HPGDS: variants seen among roughly 807,000 people sequenced by gnomAD.
HPGDS encodes the protein GST class-sigma.
HPGDS carries 26 observed loss-of-function variants against 23.1 expected under a neutral mutation model. The ratio of observed to expected loss-of-function variants is 1.13; its 90% CI spans 0.83 to 1.56. The LOEUF (loss-of-function observed/expected upper bound fraction) is 1.56, where lower values mean the gene tolerates loss of function less well. Ranked by LOEUF, HPGDS falls within the 40% of genes most tolerant of loss-of-function variation. The pLI, the probability that HPGDS is intolerant of heterozygous loss-of-function variation, is 0.00. For synonymous variants in HPGDS, 95 were observed against 77.9 expected, an observed-to-expected ratio of 1.22 and a Z score of -1.16; for missense variants, 268 against 236.4, an observed-to-expected ratio of 1.13 and a Z score of -0.88.
intron 5 of HPGDS, among the ~76,000 whole-genome samples, chr4:94,301,389 G>T (rs181563641): frequency 6.6e-6 from 1 of 152,186 alleles, no homozygotes; most frequent in Admixed American, 6.5e-5. Context: ...TAATTTTTCT[G>T]GGGTTGGAAA....
intron 4 of HPGDS, among the ~76,000 whole-genome samples, chr4:94,307,424 A>G (rs925022717): frequency 1.3e-5 from 2 of 152,172 alleles, no homozygotes; most frequent in African/African-American, 4.8e-5. Context: ...AGACATATCC[A>G]TGCCATCTGT....
chr4:94,339,286 A>G (rs1721087536), intron 1 of HPGDS, among the ~76,000 whole-genome samples: 1 of 152,220 alleles, frequency 6.6e-6, no homozygotes, highest in South Asian at 2.1e-4. Flanking sequence ...AATCTCATGT[A>G]GAGAAAACTG....
chr4:94,308,486 G>C (rs1008904569), intron 4 of HPGDS, 148 bp downstream of exon 4: 16 of 491,856 alleles, frequency 3.3e-5, no homozygotes, highest in Non-Finnish European at 4.3e-5. Context: ...GGGAATTGCT[G>C]TACTTTATTT....
At chr4:94,327,607 T>C (rs903722181) in intron 2 of HPGDS, among the ~76,000 whole-genome samples, 5 of 152,150 alleles carry the variant, frequency 3.3e-5, no homozygotes, top group Non-Finnish European at 7.4e-5. Flanking sequence ...ATTGTGGCCC[T>C]GATACTAGAG....
chr4:94,336,385 G>A (rs775925221), intron 1 of HPGDS, among the ~76,000 whole-genome samples: 19 of 152,072 alleles, frequency 1.2e-4, no homozygotes, highest in Admixed American at 7.9e-4. Context: ...AGGAAGTGAC[G>A]GTGATGGTAA....
Position 94,299,411 on chromosome 4 carries a change from G to T in HPGDS, c.*69C>A. Reference sequence around the variant, plus strand: ...GAGCATGTGGATTATCTGGCAGGCTGATGTAGCTGTCTTATCTGATGAGAG... The same window carrying T: ...GAGCATGTGGATTATCTGGCAGGCTTATGTAGCTGTCTTATCTGATGAGAG... On this transcript the variant is annotated 3_prime_UTR_variant, in exon 6 of 6. Coordinates refer to ENST00000295256, the MANE Select transcript of HPGDS (RefSeq NM_014485.3). The T allele has an allele frequency of 7.4e-7, 1 of 1,351,696 alleles. No homozygotes were observed. The highest frequency in any genetic ancestry group is 1.0e-6 in the Non-Finnish European group (1 of 998,520). 83.7% of individuals were successfully genotyped at this position (1,351,696 alleles called of 1,614,324 possible). A position where few individuals can be genotyped will look rare whatever the true frequency, so the allele number is the denominator to read the frequency against.
At chr4:94,327,918 ACTGGG>A (rs1196736242) in intron 2 of HPGDS, among the ~76,000 whole-genome samples, 1 of 152,090 alleles carries the variant, frequency 6.6e-6, no homozygotes, top group Non-Finnish European at 1.5e-5. Context: ...TCTGGTGGGG[ACTGGG>A]CTCTCCAAGT....
In HPGDS at chr4:94,318,532, G is replaced by T. The variant is rs575618979; in HGVS notation, c.134-567C>A. On this transcript the variant is annotated intron_variant, in intron 2 of 5. Coordinates refer to ENST00000295256, the MANE Select transcript of HPGDS (RefSeq NM_014485.3). ...TGTTTAATTTCCATATATTTGTATA[G>T]TTTCCAAAGGTCTTTTTATATTGAT... Among the ~76,000 whole-genome samples the T allele has an allele frequency of 6.6e-5, 10 of 152,134 alleles. No homozygotes were observed. The South Asian group carries it at 2.1e-3, about 32-fold the overall frequency.
chr4:94,302,375 T>A (rs1756059822), intron 4 of HPGDS, 131 bp from the exon 5 acceptor site: 6 of 619,326 alleles, frequency 9.7e-6, no homozygotes, highest in Non-Finnish European at 1.7e-5. Context: ...CTAGATTTTT[T>A]ATTCAAATTT....
At chr4:94,310,120 A>G (rs1399434535) in intron 3 of HPGDS, among the ~76,000 whole-genome samples, 2 of 152,066 alleles carry the variant, frequency 1.3e-5, no homozygotes, top group Non-Finnish European at 2.9e-5. Flanking sequence ...GCTGTGCAGA[A>G]GCTCTTTAGT....
intron 2 of HPGDS, among the ~76,000 whole-genome samples, chr4:94,320,715 C>T (rs1385322177): frequency 6.6e-6 from 1 of 152,162 alleles, no homozygotes; most frequent in Non-Finnish European, 1.5e-5. Context: ...TGCAGGTTGC[C>T]TGTTCACTCT....
chr4:94,323,139 G>A (rs1264792958), intron 2 of HPGDS, among the ~76,000 whole-genome samples: 1 of 152,098 alleles, frequency 6.6e-6, no homozygotes, highest in East Asian at 1.9e-4. Context: ...AGTTTGTTGT[G>A]ATTTCTGTTC....
intron 5 of HPGDS, among the ~76,000 whole-genome samples, chr4:94,301,251 C>T: frequency 6.6e-6 from 1 of 152,154 alleles, no homozygotes; most frequent in Non-Finnish European, 1.5e-5. Flanking sequence ...AGGTAGAGAC[C>T]TCCACCTACC....
intron 4 of HPGDS, among the ~76,000 whole-genome samples, chr4:94,303,289 C>A (rs902966744): frequency 6.6e-6 from 1 of 152,092 alleles, no homozygotes; most frequent in African/African-American, 2.4e-5. Context: ...AAATCCAAGA[C>A]GTTTTGAGCA....
At chr4:94,311,949 A>T (rs757215336) in intron 3 of HPGDS, among the ~76,000 whole-genome samples, 4 of 151,792 alleles carry the variant, frequency 2.6e-5, no homozygotes, top group Non-Finnish European at 5.9e-5. Context: ...GTATTCTCTG[A>T]TGGTAGTTTG....
intron 4 of HPGDS, 42 bp from the exon 5 acceptor site, chr4:94,302,286 A>T (rs1353126386): frequency 7.4e-7 from 1 of 1,349,256 alleles, no homozygotes; most frequent in Non-Finnish European, 1.1e-6. Flanking sequence ...TAATGAGAAG[A>T]AAAGTAACAT....
intron 1 of HPGDS, among the ~76,000 whole-genome samples, chr4:94,336,475 C>T (rs180726796): frequency 1.3e-5 from 2 of 152,230 alleles, no homozygotes; most frequent in Admixed American, 6.5e-5. Flanking sequence ...CTTGCTAAAA[C>T]GAGAGAGCTA....
At chr4:94,340,845 C>CTTTT (rs1355637850) in intron 1 of HPGDS, among the ~76,000 whole-genome samples, 6 of 97,152 alleles carry the variant, frequency 6.2e-5, no homozygotes, top group African/African-American at 1.3e-4. Flanking sequence ...TTTTTTTTTT[C>CTTTT]TTTCTTTTTT....
rs1755972844 is a variant in HPGDS at position 94,298,670 on chromosome 4, C to T, written c.*810G>A. On this transcript the variant is annotated 3_prime_UTR_variant, in exon 6 of 6. Coordinates refer to ENST00000295256, the MANE Select transcript of HPGDS (RefSeq NM_014485.3). ...AGTCTGTGGCTTGTCTTCTCCTTCT[C>T]TTGATCTCTGGGGTATCTACATTTT... The T allele has an allele frequency of 6.6e-6, 1 of 152,176 alleles. No individual in the cohort carries two copies. Among genetic ancestry groups the T allele is most frequent in the African/African-American group, 2.4e-5 (1 of 41,422 alleles). 9.4% of individuals were successfully genotyped at this position (152,176 alleles called of 1,614,324 possible).
Sources: gnomAD v4.1 joint callset for allele counts (sites outside exome capture counted in the v4.1 genomes callset) on GRCh38, gnomAD v4.1.1 for gene constraint, MANE v1.5 for transcripts, NCBI Gene and HGNC (gene_info 2026-07-23, HGNC 2026-07-21) for gene names.